Variants in RASSF6 observed in about 807,000 individuals in gnomAD.
The protein encoded by RASSF6 is Ras association domain family member 6.
In RASSF6, 52 loss-of-function variants were observed where a neutral mutation model predicts 44.0. The observed-to-expected ratio is 1.18, with a 90% CI of 0.95 to 1.49. The LOEUF is 1.49. Among genes scored for constraint, RASSF6 ranks in the 40% most tolerant of loss-of-function variants. RASSF6 has a pLI of 0.00. For missense variants in RASSF6, 464 were observed against 393.3 expected, an observed-to-expected ratio of 1.18 and a Z score of -1.52; for synonymous variants, 162 against 124.6, an observed-to-expected ratio of 1.30 and a Z score of -2.00.
intron 2 of RASSF6, among the ~76,000 whole-genome samples, chr4:73,608,779 G>A (rs1359129039): frequency 6.6e-6 from 1 of 152,152 alleles, no homozygotes; most frequent in African/African-American, 2.4e-5. Context: ...GACTCACAGG[G>A]GCATGCAGTG....
intron 8 of RASSF6, 68 bp downstream of exon 8, chr4:73,581,749 G>T: frequency 9.8e-7 from 1 of 1,022,734 alleles, no homozygotes; most frequent in Non-Finnish European, 1.5e-6. Context: ...CTGTTCTTCT[G>T]CCTTCCCCCT....
rs576397927 is a variant in RASSF6, at chr4:73,584,213, C to G, written c.567+967G>C. Among the ~76,000 whole-genome samples, 17 of 152,110 alleles carry G rather than the reference C, an allele frequency of 1.1e-4. No individual in the cohort carries two copies. In the South Asian group the frequency reaches 2.3e-3, roughly 20 times the overall value. On this transcript the variant is annotated intron_variant, in intron 6 of 10. Transcript: ENST00000307439. ...CTCCAAAGACACACTATCGTTACCC[C>G]CCAAGGGTAGAAGAAGAAGAAATAA...
chr4:73,585,847 A>G (rs868577984), intron 5 of RASSF6, among the ~76,000 whole-genome samples: 5 of 151,208 alleles, frequency 3.3e-5, no homozygotes, highest in Admixed American at 3.3e-4. Context: ...TTTTATTATT[A>G]TTATACTTTA....
intron 4 of RASSF6, 61 bp downstream of exon 4, chr4:73,593,390 G>T: frequency 2.7e-6 from 4 of 1,456,774 alleles, no homozygotes; most frequent in Non-Finnish European, 3.8e-6. Context: ...AAGAGTGCAC[G>T]CAATAAAACT....
intron 8 of RASSF6, among the ~76,000 whole-genome samples, chr4:73,580,004 T>C (rs527451581): frequency 5.4e-5 from 8 of 148,736 alleles, no homozygotes; most frequent in South Asian, 2.2e-4. Flanking sequence ...GTGTATCTCC[T>C]AATGCTATCC....
upstream of RASSF6, chr4:73,620,451 T>C: frequency 1.3e-6 from 2 of 1,546,956 alleles, no homozygotes; most frequent in Non-Finnish European, 1.7e-6. Flanking sequence ...GTAGGGGAGG[T>C]CCGAGGCCCG....
chr4:73,616,989 T>C (rs75599757), intron 1 of RASSF6, among the ~76,000 whole-genome samples: 1 of 152,040 alleles, frequency 6.6e-6, no homozygotes, highest in African/African-American at 2.4e-5. Flanking sequence ...AGGAAAAGAG[T>C]TAACAGAGTG....
At position 73,576,245 on chromosome 4, in the gene RASSF6, G is replaced by A. The variant is rs542116079; in HGVS notation, c.1004C>T (p.Thr335Ile). ...LQNKLVIKTE[T>I]TV The stretch of plus-strand genomic sequence containing the variant: ...TAGAAGCTTGTACTGCTAAACTGTT[G>A]TCTCTGTTTTTATTACTAGTTTATT... The change falls in exon 11 of 11, where the codon ACA (threonine) becomes ATA (isoleucine). Residue 335 changes from threonine to isoleucine, a missense_variant. Transcript: ENST00000307439. The A allele has an allele frequency of 7.1e-6, 11 of 1,545,430 alleles. No homozygotes were observed. In the East Asian group the frequency reaches 1.4e-4, roughly 19 times the overall value.
At chr4:73,591,674 T>C (rs1188450441) in intron 4 of RASSF6, among the ~76,000 whole-genome samples, 1 of 152,176 alleles carries the variant, frequency 6.6e-6, no homozygotes, top group Non-Finnish European at 1.5e-5. Flanking sequence ...CCTTCCGTTC[T>C]TCCTTAGGCC....
chr4:73,599,117 A>G (rs1236077979), intron 2 of RASSF6, among the ~76,000 whole-genome samples: 3 of 152,178 alleles, frequency 2.0e-5, no homozygotes, highest in Non-Finnish European at 4.4e-5. Context: ...TCCCCAGGGC[A>G]TGGGATGGGA....
Position 73,583,574 on chromosome 4 carries a change from T to C in RASSF6, c.568-1284A>G, listed in dbSNP as rs74977127. Among the ~76,000 whole-genome samples, 27 of 152,214 alleles carry C rather than the reference T, an allele frequency of 1.8e-4. No homozygotes were observed. In the East Asian group the frequency reaches 5.0e-3, roughly 28 times the overall value. ...GACACACAGCAACTTAAGAAACATA[T>C]CCACTAAAATTCCTAGATGTCCGTC... is the stretch of plus-strand genomic sequence containing the variant. On this transcript the variant is annotated intron_variant, in intron 6 of 10. Transcript: ENST00000307439.
At chr4:73,593,362 G>C in intron 4 of RASSF6, 89 bp downstream of exon 4, 1 of 1,250,618 alleles carries the variant, frequency 8.0e-7, no homozygotes. Context: ...TTTTACACAA[G>C]CTTAAGTTTC....
At chr4:73,611,622 T>C in intron 2 of RASSF6, 109 bp downstream of exon 2, 1 of 622,678 alleles carries the variant, frequency 1.6e-6, no homozygotes, top group Non-Finnish European at 2.9e-6. Flanking sequence ...CTACTGATGA[T>C]TCATATTATT....
chr4:73,602,885 G>A (rs947792441), intron 2 of RASSF6, among the ~76,000 whole-genome samples: 1 of 152,122 alleles, frequency 6.6e-6, no homozygotes, highest in African/African-American at 2.4e-5. Context: ...TCAGGAGATA[G>A]AGACCATCCT....
chr4:73,620,624 GC>G (rs746769634), upstream of RASSF6: 344 of 647,116 alleles, frequency 5.3e-4, no homozygotes, highest in Non-Finnish European at 2.9e-4. Flanking sequence ...CACTCCCTGT[GC>G]CTCAGTGCAT....
rs1311290440 is a variant in RASSF6 at position 73,588,031 on chromosome 4, G to T, written c.288-97C>A. ...CAATATTAATATAGTAATACTGTGG[G>T]CCTCTGTAGGTGGATATATTGTCCA... On this transcript the variant is annotated intron_variant, in intron 4 of 10. Coordinates refer to ENST00000307439, the MANE Select transcript of RASSF6 (RefSeq NM_177532.5). The T allele has an allele frequency of 3.6e-5, 25 of 694,920 alleles. No homozygotes were observed. In the East Asian group the frequency reaches 6.6e-4, roughly 18 times the overall value. 43.0% of individuals were successfully genotyped at this position (694,920 alleles called of 1,614,324 possible).
At chr4:73,602,006 G>T (rs894845116) in intron 2 of RASSF6, among the ~76,000 whole-genome samples, 8 of 152,188 alleles carry the variant, frequency 5.3e-5, no homozygotes, top group African/African-American at 1.9e-4. Context: ...ACCTTGGTTG[G>T]TGAGAATTAA....
At position 73,585,206 on chromosome 4, in the gene RASSF6, T is replaced by C. The variant is rs758569218; in HGVS notation, c.541A>G (p.Ile181Val). 2 of 1,609,322 alleles carry C rather than the reference T, an allele frequency of 1.2e-6. No individual in the cohort carries two copies. Among genetic ancestry groups the C allele is most frequent in the African/African-American group, 2.7e-5 (2 of 74,466 alleles). ...TCATGGTTATAGAAGTGTCCATTAATAGAGGCTCTATTTTTCTGTCTTTCT... is the reference window on the plus strand; with the variant it reads ...TCATGGTTATAGAAGTGTCCATTAACAGAGGCTCTATTTTTCTGTCTTTCT... Reference protein sequence around the residue: ...RKERQKNRASINGHFYNHETS... With the variant: ...RKERQKNRASVNGHFYNHETS... Residue 181 changes from isoleucine (I) to valine (V), a missense_variant, in exon 6 of 11, where the codon ATT becomes GTT. Ile to Val is a conservative substitution (Grantham distance 29, BLOSUM62 3). Transcript: ENST00000307439.
chr4:73,582,201 G>C lies in RASSF6; in HGVS notation c.657C>G (p.Leu219=). ...TGATAAAGGTTACCTTAAATTTTTGGAGAAGTTGCTTTATTACTTCTTCAG... is the reference window on the plus strand; with the variant it reads ...TGATAAAGGTTACCTTAAATTTTTGCAGAAGTTGCTTTATTACTTCTTCAG... The part of the protein sequence containing the change: ...MRTEEVIKQL[L]QKFKIENSPQ... Residue 219 remains leucine (L), a synonymous_variant, in exon 7 of 11, where the codon CTC becomes CTG. Transcript: ENST00000307439. 1 of 1,538,282 alleles carries C rather than the reference G, an allele frequency of 6.5e-7. No individual in the cohort carries two copies. Among genetic ancestry groups the C allele is most frequent in the South Asian group, 1.2e-5 (1 of 85,198 alleles).
Sources: gnomAD v4.1 joint callset for allele counts (sites outside exome capture counted in the v4.1 genomes callset) on GRCh38, gnomAD v4.1.1 for gene constraint, MANE v1.5 for transcripts, NCBI Gene and HGNC (gene_info 2026-07-23, HGNC 2026-07-21) for gene names.